FKBP15: variants seen among roughly 807,000 people sequenced by gnomAD.
FKBP15 encodes FK506-binding protein 15.
A neutral mutation model predicts 158.1 loss-of-function variants in FKBP15; 106 were observed. The ratio of observed to expected loss-of-function variants is 0.67; its 90% CI spans 0.57 to 0.79. The LOEUF (loss-of-function observed/expected upper bound fraction) is 0.79, where lower values mean the gene tolerates loss of function less well. FKBP15 is among the 30% of genes least tolerant of loss of function. The probability of loss-of-function intolerance (pLI) is 0.00; values close to 1 mark genes in which losing one functional copy is unlikely to be tolerated. For missense variants in FKBP15, 1,287 were observed against 1,479.1 expected (o/e 0.87, Z 2.13); for synonymous variants, 547 against 548.6 (o/e 1.00, Z 0.04).
intron 4 of FKBP15, chr9:113,206,290 G>A: frequency 1.8e-6 from 1 of 562,478 alleles, no homozygotes; most frequent in Non-Finnish European, 3.2e-6. Context: ...TATCACAAAG[G>A]TCAAATTTAA....
Position 113,164,562 on chromosome 9 carries a change from T to C in FKBP15, c.*1516A>G, listed in dbSNP as rs1830069052. 1 of 152,272 alleles carries C rather than the reference T, an allele frequency of 6.6e-6. No individual in the cohort carries two copies. Among genetic ancestry groups the C allele is most frequent in the African/African-American group, 2.4e-5 (1 of 41,466 alleles). 9.4% of individuals were successfully genotyped at this position (152,272 alleles called of 1,614,324 possible). A position where few individuals can be genotyped will look rare whatever the true frequency, so the allele number is the denominator to read the frequency against. On this transcript the variant is annotated 3_prime_UTR_variant, in exon 28 of 28. Transcript: ENST00000238256. ...GTAGACTATGTCACACCTTTAGGACTGATCAGGGCATTCCCCCATGTTTGC... is the reference window on the plus strand; with the variant it reads ...GTAGACTATGTCACACCTTTAGGACCGATCAGGGCATTCCCCCATGTTTGC...
At position 113,187,456 on chromosome 9, in the gene FKBP15, C is replaced by T. The variant is rs536263542; in HGVS notation, c.1383+337G>A. On this transcript the variant is annotated intron_variant, in intron 14 of 27. Coordinates refer to ENST00000238256, the MANE Select transcript of FKBP15 (RefSeq NM_015258.2). Reference sequence around the variant, plus strand: ...TGCTGAATATACTGCAGAATGTTAGCCTGCCAACTTTTAGTAGAAAAGAAT... The same window carrying T: ...TGCTGAATATACTGCAGAATGTTAGTCTGCCAACTTTTAGTAGAAAAGAAT... The T allele has an allele frequency of 7.5e-4, 171 of 229,400 alleles. 2 individuals carry two copies. The highest frequency in any genetic ancestry group is 2.6e-3 in the South Asian group (48 of 18,546). 14.2% of individuals were successfully genotyped at this position (229,400 alleles called of 1,614,324 possible).
intron 19 of FKBP15, among the ~76,000 whole-genome samples, chr9:113,181,343 C>G (rs751403213): frequency 6.6e-6 from 1 of 152,080 alleles, no homozygotes; most frequent in Non-Finnish European, 1.5e-5. Flanking sequence ...CCAAACTGAC[C>G]TATTATTTTT....
At chr9:113,210,838 C>A (rs966084122) in intron 2 of FKBP15, among the ~76,000 whole-genome samples, 1 of 152,198 alleles carries the variant, frequency 6.6e-6, no homozygotes, top group Non-Finnish European at 1.5e-5. Flanking sequence ...CTTTCTCCTG[C>A]GCTGGATGCT....
In FKBP15 at chr9:113,161,827, A is replaced by C; in HGVS notation, c.*4251T>G. 1 of 1,031,958 alleles carries C rather than the reference A, an allele frequency of 9.7e-7. No individual in the cohort carries two copies. Among genetic ancestry groups the C allele is most frequent in the Non-Finnish European group, 1.5e-6 (1 of 679,606 alleles). The allele number at this position is 1,031,958 out of a possible 1,614,324, so 63.9% of individuals were successfully genotyped here. A position where few individuals can be genotyped will look rare whatever the true frequency, so the allele number is the denominator to read the frequency against. On this transcript the variant is annotated 3_prime_UTR_variant, in exon 28 of 28. Coordinates refer to ENST00000238256, the MANE Select transcript of FKBP15 (RefSeq NM_015258.2). ...GCCCAGGGAAGGACCAGGACTTGCC[A>C]AAGTGGCTACACATAGCCAAGTGAA...
At chr9:113,206,395 A>T in intron 4 of FKBP15, 114 bp downstream of exon 4, 1 of 792,250 alleles carries the variant, frequency 1.3e-6, no homozygotes, top group Non-Finnish European at 2.1e-6. Flanking sequence ...CATTCAATAC[A>T]AATAATCATC....
At chr9:113,212,080 G>A (rs899082773) in intron 1 of FKBP15, among the ~76,000 whole-genome samples, 5 of 152,152 alleles carry the variant, frequency 3.3e-5, no homozygotes, top group Admixed American at 6.5e-5. Context: ...CATGGTCCCT[G>A]CCATCCTTTC....
In FKBP15 at chr9:113,188,431, G is replaced by C. The variant is rs1192801411; in HGVS notation, c.1234C>G (p.Leu412Val). 1 of 1,613,838 alleles carries C rather than the reference G, an allele frequency of 6.2e-7. No individual in the cohort carries two copies. Among genetic ancestry groups the C allele is most frequent in the African/African-American group, 1.3e-5 (1 of 74,908 alleles). The change falls in exon 13 of 28, where the codon CTT becomes GTT. Residue 412 changes from leucine to valine, a missense_variant. Transcript: ENST00000238256. ...GGTAACGCTGGATGGGCCGGATGAA[G>C]AGAGGGCTGGACGGACGGAGTCACC... ...PVVTPSVQPSLHPAHPALPQM... is the reference protein window; with the variant it reads ...PVVTPSVQPSVHPAHPALPQM...
chr9:113,175,660 C>T (rs553494185), intron 21 of FKBP15, among the ~76,000 whole-genome samples: 1 of 152,184 alleles, frequency 6.6e-6, no homozygotes, highest in Admixed American at 6.5e-5. Flanking sequence ...ACATCTATGA[C>T]TGACAAAGGA....
At position 113,198,759 on chromosome 9, in the gene FKBP15, T is replaced by C; in HGVS notation, c.717+96A>G. 2 of 926,778 alleles carry C rather than the reference T, an allele frequency of 2.2e-6. No individual in the cohort carries two copies. The highest frequency in any genetic ancestry group is 1.7e-5 in the South Asian group (1 of 59,520). 57.4% of individuals were successfully genotyped at this position (926,778 alleles called of 1,614,324 possible). On this transcript the variant is annotated intron_variant, in intron 8 of 27. Coordinates refer to ENST00000238256, the MANE Select transcript of FKBP15 (RefSeq NM_015258.2). The surrounding 1 kb of genome is among the most constrained non-coding windows in gnomAD (Gnocchi z 5.2). ...AAGAGCGAAACTCCGTCTCAAAAAATAAAAATAAAATAAAAAAAGGAATTC... is the reference window on the plus strand; with the variant it reads ...AAGAGCGAAACTCCGTCTCAAAAAACAAAAATAAAATAAAAAAAGGAATTC...
intron 11 of FKBP15, among the ~76,000 whole-genome samples, chr9:113,191,651 A>G (rs1316264359): frequency 6.7e-6 from 1 of 148,242 alleles, no homozygotes; most frequent in South Asian, 2.1e-4. Context: ...ATATAATATA[A>G]ATTATATATA....
Position 113,166,061 on chromosome 9 carries a change from AC to A in FKBP15, c.*16del. ...GGAAGGGTTGCAGAGAAACCTTTGC[AC>A]CAGTTTCCTGGGTCTTCATCCCAGC... On this transcript the variant is annotated 3_prime_UTR_variant, in exon 28 of 28. Transcript: ENST00000238256. 1 of 1,610,926 alleles carries A rather than the reference AC, an allele frequency of 6.2e-7. No homozygotes were observed. Among genetic ancestry groups the A allele is most frequent in the Non-Finnish European group, 8.5e-7 (1 of 1,178,504 alleles).
chr9:113,215,640 A>T (rs1324171727), intron 1 of FKBP15, among the ~76,000 whole-genome samples: 2,834 of 99,994 alleles, frequency 0.028, 87 homozygotes, highest in East Asian at 0.066. Context: ...ATATATATAT[A>T]TATATTTTTT....
At position 113,204,228 on chromosome 9, in the gene FKBP15, C is replaced by T. The variant is rs150707586; in HGVS notation, c.325-1193G>A. Among the ~76,000 whole-genome samples, 1,017 of 152,294 alleles carry T rather than the reference C, an allele frequency of 6.7e-3. 4 individuals are homozygous for T. Among genetic ancestry groups the T allele is most frequent in the Middle Eastern group, 0.014 (4 of 292 alleles). On this transcript the variant is annotated intron_variant, in intron 4 of 27. Transcript: ENST00000238256. ...AAGTAGCTGGGATTACAGGCATGTGCCATCACACCTGGCTAATTTTTTTGT... is the reference window on the plus strand; with the variant it reads ...AAGTAGCTGGGATTACAGGCATGTGTCATCACACCTGGCTAATTTTTTTGT...
chr9:113,187,694 G>A, intron 14 of FKBP15, 99 bp downstream of exon 14: 1 of 949,334 alleles, frequency 1.1e-6, no homozygotes, highest in South Asian at 1.5e-5. Context: ...TCTGACTTTG[G>A]GGAACTGCTA....
Position 113,161,911 on chromosome 9 carries a change from G to A in FKBP15, c.*4167C>T. 1.5e-6 allele frequency: 1 copy of A among 668,506 alleles called. No homozygotes were observed. The highest frequency in any genetic ancestry group is 1.6e-5 in the South Asian group (1 of 63,654). The allele number at this position is 668,506 out of a possible 1,614,324, so 41.4% of individuals were successfully genotyped here. On this transcript the variant is annotated 3_prime_UTR_variant, in exon 28 of 28. Transcript: ENST00000238256. ...GCACTCTGTGAACAGCCAGCCACTT[G>A]AGAGGCTCAGAAGGCTTTCTTTAGG...
intron 15 of FKBP15, 64 bp downstream of exon 15, chr9:113,186,185 G>A (rs1172976381): frequency 1.7e-6 from 2 of 1,148,432 alleles, no homozygotes; most frequent in Non-Finnish European, 2.6e-6. Flanking sequence ...AAATGAAGGA[G>A]GAGCAAGAAG....
In FKBP15 at chr9:113,186,662, G is replaced by A. The variant is rs1310571529; in HGVS notation, c.1384-299C>T. On this transcript the variant is annotated intron_variant, in intron 14 of 27. Transcript: ENST00000238256. ...GCAGGGATTCATTCCCCATTATCAG[G>A]CCTATTGTCTAAGAAGTTTTTAGAT... is the stretch of plus-strand genomic sequence containing the variant. 4 of 262,088 alleles carry A rather than the reference G, an allele frequency of 1.5e-5. No individual in the cohort carries two copies. The East Asian group carries it at 2.7e-4, about 18-fold the overall frequency. 16.2% of individuals were successfully genotyped at this position (262,088 alleles called of 1,614,324 possible). A position where few individuals can be genotyped will look rare whatever the true frequency, so the allele number is the denominator to read the frequency against.
intron 1 of FKBP15, among the ~76,000 whole-genome samples, chr9:113,220,349 A>G (rs559569784): frequency 2.0e-5 from 3 of 152,370 alleles, no homozygotes; most frequent in South Asian, 4.1e-4. Context: ...GAGGAAGTCA[A>G]GCTGTCCACT....
Sources: gnomAD v4.1 joint callset for allele counts (sites outside exome capture counted in the v4.1 genomes callset) on GRCh38, gnomAD v4.1.1 for gene constraint, Gnocchi (gnomAD v3.1) non-coding constraint, MANE v1.5 for transcripts, NCBI Gene and HGNC (gene_info 2026-07-23, HGNC 2026-07-21) for gene names.